The following KMT2E variants were observed in gnomAD, a reference collection of about 807,000 sequenced individuals.
The protein encoded by KMT2E is histone reader KMT2E.
Under a neutral mutation model 184.6 loss-of-function variants are expected in KMT2E, and 30 were observed. The observed-to-expected ratio is 0.16, with a 90% CI of 0.12 to 0.22. The LOEUF (loss-of-function observed/expected upper bound fraction) is 0.22, where lower values mean the gene tolerates loss of function less well. KMT2E is among the 10% of genes least tolerant of loss of function. KMT2E has a pLI of 1.00. For synonymous variants in KMT2E, 815 were observed against 776.5 expected (o/e 1.05, Z -0.82); for missense variants, 2,023 against 2,237.4 (o/e 0.90, Z 1.93).
intron 5 of KMT2E, chr7:105,063,799 C>G: frequency 1.9e-6 from 1 of 530,762 alleles, no homozygotes; most frequent in Non-Finnish European, 3.3e-6. Context: ...CAGTTCTGAA[C>G]TTTTTTTCAT....
chr7:105,090,019 GTGGAC>G lies in KMT2E; in HGVS notation c.1372_1376del (p.Asp458CysfsTer15). The stretch of plus-strand genomic sequence containing the variant: ...TGGTTATCTTTCCAGTAAGTACAAG[GTGGAC>G]TGTGCATGCCTCAAAGAAAACCCAG... On this transcript the variant is annotated frameshift_variant, in exon 14 of 27. Transcript: ENST00000311117. LOFTEE classifies it high-confidence loss of function. The G allele has an allele frequency of 6.2e-7, 1 of 1,609,872 alleles. No individual in the cohort carries two copies. Among genetic ancestry groups the G allele is most frequent in the Non-Finnish European group, 8.5e-7 (1 of 1,178,178 alleles).
At chr7:105,050,316 C>G (rs1796275040) in intron 3 of KMT2E, among the ~76,000 whole-genome samples, 1 of 152,104 alleles carries the variant, frequency 6.6e-6, no homozygotes, top group Admixed American at 6.5e-5. Flanking sequence ...TTCTAGGTAC[C>G]ACACTTAACT....
At chr7:105,064,201 G>A in intron 5 of KMT2E, 1 of 293,568 alleles carries the variant, frequency 3.4e-6, no homozygotes, top group South Asian at 2.6e-5. Flanking sequence ...TTGACTGGGG[G>A]GAAGGATTTG....
At chr7:105,069,450 T>G (rs573934711) in intron 6 of KMT2E, among the ~76,000 whole-genome samples, 1 of 152,300 alleles carries the variant, frequency 6.6e-6, no homozygotes, top group South Asian at 2.1e-4. Context: ...ACCAACAATA[T>G]GATTGTGTAA....
intron 15 of KMT2E, 71 bp from the exon 16 acceptor site, chr7:105,101,354 C>T (rs1364622196): frequency 1.9e-6 from 2 of 1,066,064 alleles, no homozygotes; most frequent in East Asian, 2.7e-5. Context: ...ACATTTATCA[C>T]AAACATTTGG....
chr7:105,090,416 A>C lies in KMT2E; in HGVS notation c.1623+143A>C, dbSNP rs1023021254. On this transcript the variant is annotated intron_variant, in intron 14 of 26. Coordinates refer to ENST00000311117, the MANE Select transcript of KMT2E (RefSeq NM_182931.3). ...TTTAATGAAGTATTCATAAGTGTAA[A>C]ATACAAGTTCTGCTAGAATTTGTAC... The C allele has an allele frequency of 1.2e-4, 116 of 959,878 alleles. No individual in the cohort carries two copies. In the Admixed American group the frequency reaches 1.7e-3, roughly 14 times the overall value. The allele number at this position is 959,878 out of a possible 1,614,324, so 59.5% of individuals were successfully genotyped here. A position where few individuals can be genotyped will look rare whatever the true frequency, so the allele number is the denominator to read the frequency against.
At chr7:105,082,960 G>T (rs1797816758) in intron 13 of KMT2E, among the ~76,000 whole-genome samples, 1 of 152,052 alleles carries the variant, frequency 6.6e-6, no homozygotes, top group Non-Finnish European at 1.5e-5. Flanking sequence ...TCTCCATTAG[G>T]CATCTTCTGT....
intron 15 of KMT2E, among the ~76,000 whole-genome samples, chr7:105,095,769 T>TTCACTAG (rs1185419606): frequency 6.6e-6 from 1 of 152,188 alleles, no homozygotes; most frequent in African/African-American, 2.4e-5. Context: ...GTAGACTGTT[T>TTCACTAG]ATACTCACTA....
chr7:105,110,870 TAATA>T lies in KMT2E; in HGVS notation c.4068+4_4068+7del, dbSNP rs1562935469. 1 of 1,604,940 alleles carries T rather than the reference TAATA, an allele frequency of 6.2e-7. No individual in the cohort carries two copies. Among genetic ancestry groups the T allele is most frequent in the South Asian group, 1.1e-5 (1 of 90,878 alleles). Reference sequence around the variant, plus strand: ...AAAAGTCCTCCAAAAATGAGCAAGGTAATAACATTGACCTTTCGATGGGTTCCAA... The same window carrying T: ...AAAAGTCCTCCAAAAATGAGCAAGGTACATTGACCTTTCGATGGGTTCCAA... On this transcript the variant is annotated splice_donor_5th_base_variant and intron_variant, in intron 26 of 26. Coordinates refer to ENST00000311117, the MANE Select transcript of KMT2E (RefSeq NM_182931.3).
At chr7:105,064,196 T>C (rs533547661) in intron 5 of KMT2E, 121 of 272,378 alleles carry the variant, frequency 4.4e-4, no homozygotes, top group African/African-American at 4.0e-3. Context: ...TTTTTTTGAC[T>C]GGGGGGAAGG....
chr7:105,049,721 T>C (rs1796250410), intron 3 of KMT2E, among the ~76,000 whole-genome samples: 1 of 152,058 alleles, frequency 6.6e-6, no homozygotes, highest in South Asian at 2.1e-4. Flanking sequence ...CAAAACCCCA[T>C]GTCTACTAAA....
At chr7:105,028,749 C>A (rs1023448007) in intron 1 of KMT2E, among the ~76,000 whole-genome samples, 5 of 151,944 alleles carry the variant, frequency 3.3e-5, no homozygotes, top group Non-Finnish European at 5.9e-5. Context: ...AGTGATCCCT[C>A]CACCTTGGCC....
intron 3 of KMT2E, among the ~76,000 whole-genome samples, chr7:105,050,979 G>A (rs1178846869): frequency 1.3e-5 from 2 of 151,702 alleles, no homozygotes; most frequent in African/African-American, 2.4e-5. Flanking sequence ...CACCTGCCTC[G>A]GCCTCCCAAA....
chr7:105,043,625 AAAAC>A, intron 3 of KMT2E, among the ~76,000 whole-genome samples: 1 of 152,244 alleles, frequency 6.6e-6, no homozygotes, highest in East Asian at 1.9e-4. Context: ...ATTTTGGTAT[AAAAC>A]AAATAAGATT....
intron 1 of KMT2E, among the ~76,000 whole-genome samples, chr7:105,033,218 G>C (rs139423287): frequency 5.7e-4 from 86 of 152,190 alleles, no homozygotes; most frequent in Non-Finnish European, 1.1e-3. Flanking sequence ...AATCAAAAAG[G>C]ATGCCTAGAT....
At chr7:105,092,636 G>T (rs1798250165) in intron 15 of KMT2E, among the ~76,000 whole-genome samples, 1 of 152,278 alleles carries the variant, frequency 6.6e-6, no homozygotes, top group Non-Finnish European at 1.5e-5. Flanking sequence ...TGTACCTAAA[G>T]GGATTATCTT....
rs1341566856 is a variant in KMT2E at position 105,080,502 on chromosome 7, TG to T, written c.1249-1183del. 3.3e-5 allele frequency among the ~76,000 whole-genome samples: 5 copies of T among 152,104 alleles called. No homozygotes were observed. The South Asian group carries it at 1.0e-3, about 32-fold the overall frequency. ...GTTCTGCTTCAGCCGCCAGAGTAGC[TG>T]GGATTATAGGCATGCGCTGCTGCAC... On this transcript the variant is annotated intron_variant, in intron 12 of 26. Coordinates refer to ENST00000311117, the MANE Select transcript of KMT2E (RefSeq NM_182931.3).
chr7:105,054,794 C>T (rs1332552860), intron 3 of KMT2E, among the ~76,000 whole-genome samples: 8 of 152,124 alleles, frequency 5.3e-5, no homozygotes, highest in Non-Finnish European at 1.0e-4. Flanking sequence ...GGATTACAGG[C>T]GTGAGCTACC....
chr7:105,082,619 CAG>C (rs138513905), intron 13 of KMT2E, among the ~76,000 whole-genome samples: 2,220 of 152,068 alleles, frequency 0.015, 49 homozygotes, highest in African/African-American at 0.049. Flanking sequence ...CTTGCTGTCT[CAG>C]GGGTGACAGA....
Sources: allele counts gnomAD v4.1 joint callset (sites outside exome capture counted in the v4.1 genomes callset), GRCh38; gene constraint gnomAD v4.1.1; transcripts MANE v1.5; gene names NCBI Gene and HGNC (gene_info 2026-07-23, HGNC 2026-07-21).